The following IL1RAPL2 variants were observed in gnomAD, a reference collection of about 807,000 sequenced individuals.
IL1RAPL2 encodes interleukin 1 receptor accessory protein like 2.
A neutral mutation model predicts 44.1 loss-of-function variants in IL1RAPL2; 3 were observed. That is an observed-to-expected ratio of 0.07 (90% CI 0.03 to 0.18). IL1RAPL2 has a LOEUF of 0.18. Ranked by LOEUF, IL1RAPL2 falls within the 10% of genes least tolerant of loss-of-function variation. The probability of loss-of-function intolerance (pLI) is 1.00; values close to 1 mark genes in which losing one functional copy is unlikely to be tolerated. For missense variants in IL1RAPL2, 391 were observed against 496.4 expected, an observed-to-expected ratio of 0.79 and a Z score of 2.02; for synonymous variants, 181 against 178.8, an observed-to-expected ratio of 1.01 and a Z score of -0.10.
intron 2 of IL1RAPL2, among the ~76,000 whole-genome samples, chrX:104,836,055 T>A (rs1335981457): frequency 8.9e-6 from 1 of 112,189 alleles, no homozygotes; most frequent in Non-Finnish European, 1.9e-5. Context: ...ATTCTACATG[T>A]GCACAATGGA....
chrX:105,730,703 C>G (rs2038399174), intron 7 of IL1RAPL2, among the ~76,000 whole-genome samples: 1 of 111,082 alleles, frequency 9.0e-6, no homozygotes, highest in African/African-American at 3.3e-5. Context: ...AAATCAATAA[C>G]AAGAGGAGCT....
chrX:105,086,994 A>G (rs1017175905), intron 2 of IL1RAPL2, among the ~76,000 whole-genome samples: 8 of 109,978 alleles, frequency 7.3e-5, no homozygotes, highest in Admixed American at 6.9e-4. Flanking sequence ...CCTATTATTA[A>G]CAGATTTTTA....
At chrX:105,106,622 C>A (rs959711126) in intron 2 of IL1RAPL2, among the ~76,000 whole-genome samples, 8 of 110,348 alleles carry the variant, frequency 7.2e-5, no homozygotes, top group Non-Finnish European at 1.5e-4. Flanking sequence ...ATTCAGAAAG[C>A]AAATCTTTGT....
rs1021967084 is a variant in IL1RAPL2, at chrX:105,605,089, C to T, written c.773-112278C>T. Among the ~76,000 whole-genome samples the T allele has an allele frequency of 5.0e-4, 55 of 110,549 alleles. 1 individual carries two copies. The highest frequency in any genetic ancestry group is 1.3e-4 in the Non-Finnish European group (7 of 52,633). Reference sequence around the variant, plus strand: ...TCTTATTCAGTATATTTTTGGAAGTCCTACCCAGAGCAATTAGGCAAGAGA... The same window carrying T: ...TCTTATTCAGTATATTTTTGGAAGTTCTACCCAGAGCAATTAGGCAAGAGA... On this transcript the variant is annotated intron_variant, in intron 6 of 10. Coordinates refer to ENST00000372582, the MANE Select transcript of IL1RAPL2 (RefSeq NM_017416.2).
chrX:105,344,144 C>T (rs991423304), intron 5 of IL1RAPL2, among the ~76,000 whole-genome samples: 1 of 112,400 alleles, frequency 8.9e-6, no homozygotes, highest in African/African-American at 3.2e-5. Context: ...ATCTACCCAC[C>T]TCAGCCTCCC....
intron 2 of IL1RAPL2, among the ~76,000 whole-genome samples, chrX:104,951,932 G>A (rs1407905668): frequency 8.9e-6 from 1 of 112,350 alleles, no homozygotes; most frequent in African/African-American, 3.2e-5. Flanking sequence ...TGATCTTTGA[G>A]TGAGCTACAA....
chrX:105,222,736 C>G (rs1444731154), intron 3 of IL1RAPL2, among the ~76,000 whole-genome samples: 1 of 112,025 alleles, frequency 8.9e-6, no homozygotes, highest in Non-Finnish European at 1.9e-5. Flanking sequence ...TGAGGGAATG[C>G]TGAGGATAAT....
chrX:105,082,683 ACTGCAGCAGAC>A (rs1483984361), intron 2 of IL1RAPL2, among the ~76,000 whole-genome samples: 1 of 111,689 alleles, frequency 9.0e-6, no homozygotes, highest in Non-Finnish European at 1.9e-5. Flanking sequence ...CCTCCAGTAA[ACTGCAGCAGAC>A]CTGCAGCAGA....
intron 2 of IL1RAPL2, among the ~76,000 whole-genome samples, chrX:104,925,182 T>C (rs1924744101): frequency 1.3e-5 from 1 of 75,941 alleles, no homozygotes; most frequent in Non-Finnish European, 2.6e-5. Context: ...TACCAATGAG[T>C]AATGAAATTG....
At chrX:105,056,018 GA>G (rs2031987946) in intron 2 of IL1RAPL2, among the ~76,000 whole-genome samples, 1 of 110,871 alleles carries the variant, frequency 9.0e-6, no homozygotes, top group Admixed American at 9.5e-5. Flanking sequence ...GTGTGCTTAA[GA>G]AAACATTCAG....
chrX:104,780,873 T>C (rs994494307), intron 2 of IL1RAPL2, among the ~76,000 whole-genome samples: 13 of 111,494 alleles, frequency 1.2e-4, no homozygotes, highest in Non-Finnish European at 2.3e-4. Flanking sequence ...TTATTATTTG[T>C]GTATTCTAAG....
intron 2 of IL1RAPL2, among the ~76,000 whole-genome samples, chrX:104,790,033 G>A (rs1216875192): frequency 8.9e-6 from 1 of 112,510 alleles, no homozygotes; most frequent in Non-Finnish European, 1.9e-5. Flanking sequence ...ACTGCTGTCT[G>A]AAGGACACAA....
At chrX:104,937,206 GTA>G (rs1925049947) in intron 2 of IL1RAPL2, among the ~76,000 whole-genome samples, 1 of 112,493 alleles carries the variant, frequency 8.9e-6, no homozygotes, top group African/African-American at 3.2e-5. Context: ...TGTAAGAAAT[GTA>G]TTTATTAGGA....
At chrX:105,283,439 T>C (rs1411957754) in intron 5 of IL1RAPL2, among the ~76,000 whole-genome samples, 1 of 110,990 alleles carries the variant, frequency 9.0e-6, no homozygotes, top group Admixed American at 9.7e-5. Context: ...ACAGCATGTG[T>C]CAGCTATAAA....
At chrX:105,521,080 G>C (rs1427278219) in intron 6 of IL1RAPL2, among the ~76,000 whole-genome samples, 1 of 103,818 alleles carries the variant, frequency 9.6e-6, no homozygotes, top group African/African-American at 3.5e-5. Flanking sequence ...GACTACAGGC[G>C]CCTGCCACCA....
chrX:104,887,053 C>T (rs1448019533), intron 2 of IL1RAPL2, among the ~76,000 whole-genome samples: 2 of 112,469 alleles, frequency 1.8e-5, no homozygotes, highest in Non-Finnish European at 3.8e-5. Flanking sequence ...GAGACCAGGG[C>T]CCTCAGCAAG....
chrX:104,679,452 C>T lies in IL1RAPL2; in HGVS notation c.82+20457C>T, dbSNP rs764681170. ...ACAGCATTTTGAGGCCCAGGCTGTGCGGCTTAACTCTCTTGCATACAAGAA... is the reference window on the plus strand; with the variant it reads ...ACAGCATTTTGAGGCCCAGGCTGTGTGGCTTAACTCTCTTGCATACAAGAA... On this transcript the variant is annotated intron_variant, in intron 2 of 10. Coordinates refer to ENST00000372582, the MANE Select transcript of IL1RAPL2 (RefSeq NM_017416.2). Among the ~76,000 whole-genome samples, 12 of 111,947 alleles carry T rather than the reference C, an allele frequency of 1.1e-4. No homozygotes were observed. In the South Asian group the frequency reaches 2.2e-3, roughly 21 times the overall value.
At chrX:104,731,358 C>G (rs930348117) in intron 2 of IL1RAPL2, among the ~76,000 whole-genome samples, 2 of 110,611 alleles carry the variant, frequency 1.8e-5, no homozygotes, top group Non-Finnish European at 3.8e-5. Context: ...TTAGGTCTAA[C>G]ATTTAAGTCT....
chrX:105,329,521 T>C (rs1325816343), intron 5 of IL1RAPL2, among the ~76,000 whole-genome samples: 2 of 111,991 alleles, frequency 1.8e-5, no homozygotes, highest in African/African-American at 6.5e-5. Context: ...AAAGTAAACA[T>C]TGAGCTAAGC....
Sources: allele counts gnomAD v4.1 joint callset (sites outside exome capture counted in the v4.1 genomes callset), GRCh38; gene constraint gnomAD v4.1.1; transcripts MANE v1.5; gene names NCBI Gene and HGNC (gene_info 2026-07-23, HGNC 2026-07-21).